Variants in PLEKHG5 observed in about 807,000 individuals in gnomAD.
PLEKHG5 encodes pleckstrin homology domain-containing family G member 5.
Under a neutral mutation model 103.8 loss-of-function variants are expected in PLEKHG5, and 52 were observed. The observed-to-expected ratio is 0.50, with a 90% CI of 0.40 to 0.63. PLEKHG5 has a LOEUF of 0.63. Ranked by LOEUF, PLEKHG5 falls within the 30% of genes least tolerant of loss-of-function variation. The probability of loss-of-function intolerance (pLI) is 0.00; values close to 1 mark genes in which losing one functional copy is unlikely to be tolerated. For synonymous variants in PLEKHG5, 592 were observed against 575.5 expected, an observed-to-expected ratio of 1.03 and a Z score of -0.41; for missense variants, 1,205 against 1,347.6, an observed-to-expected ratio of 0.89 and a Z score of 1.66.
chr1:6,507,495 C>T (rs965554173), intron 1 of PLEKHG5, among the ~76,000 whole-genome samples: 2 of 152,236 alleles, frequency 1.3e-5, no homozygotes, highest in Admixed American at 1.3e-4. Flanking sequence ...CCTGTGCCCC[C>T]CCAGCCTGCC....
intron 1 of PLEKHG5, among the ~76,000 whole-genome samples, chr1:6,516,868 A>G (rs191913161): frequency 0.8 from 106,795 of 134,308 alleles, 43,134 homozygotes; most frequent in Non-Finnish European, 0.88. Flanking sequence ...ATATATGTGT[A>G]TATATATATA....
intron 1 of PLEKHG5, among the ~76,000 whole-genome samples, chr1:6,514,960 A>T (rs979374986): frequency 6.6e-6 from 1 of 152,148 alleles, no homozygotes; most frequent in Non-Finnish European, 1.5e-5. Flanking sequence ...AGGCTGAGAC[A>T]GGGGAACTGC....
upstream of PLEKHG5, among the ~76,000 whole-genome samples, chr1:6,493,977 G>C (rs922399756): frequency 1.4e-5 from 2 of 147,490 alleles, no homozygotes; most frequent in South Asian, 4.4e-4. Context: ...TTTGAGACAG[G>C]GTCTTGCTCT....
chr1:6,519,691 G>C, exon 1 of PLEKHG5: 1 of 650,108 alleles, frequency 1.5e-6, no homozygotes, highest in South Asian at 1.7e-5. Context: ...TGTCTGCACA[G>C]AAAACCAAGG....
intron 1 of PLEKHG5, among the ~76,000 whole-genome samples, chr1:6,479,282 CTTTTT>C (rs59798457): frequency 3.1e-5 from 4 of 130,908 alleles, no homozygotes; most frequent in Non-Finnish European, 3.2e-5. Context: ...TCTGTTTATC[CTTTTT>C]TTTTTTTTTT....
chr1:6,503,058 G>A (rs1214722643), intron 1 of PLEKHG5, among the ~76,000 whole-genome samples: 1 of 152,192 alleles, frequency 6.6e-6, no homozygotes, highest in Non-Finnish European at 1.5e-5. Flanking sequence ...CAGGATAAAG[G>A]GGATTCCAAG....
intron 1 of PLEKHG5, among the ~76,000 whole-genome samples, chr1:6,517,980 T>C (rs368886143): frequency 1.3e-5 from 2 of 152,086 alleles, no homozygotes; most frequent in African/African-American, 4.8e-5. Context: ...TCGCCCAGGC[T>C]GGAGTGCAGT....
chr1:6,503,535 G>T lies in PLEKHG5; in HGVS notation c.-164-6966C>A, dbSNP rs547649217. Among the ~76,000 whole-genome samples, 3 of 151,574 alleles carry T rather than the reference G, an allele frequency of 2.0e-5. No homozygotes were observed. In the South Asian group the frequency reaches 6.3e-4, roughly 32 times the overall value. On this transcript the variant is annotated intron_variant, in intron 1 of 21. Coordinates refer to the PLEKHG5 transcript ENST00000377740. ...TGATTCTCCTGCCTCAGCCTCCCAAGTAGCTGGGATTACAGGTGCCTGCCA... is the reference window on the plus strand; with the variant it reads ...TGATTCTCCTGCCTCAGCCTCCCAATTAGCTGGGATTACAGGTGCCTGCCA...
At chr1:6,472,960 G>A in intron 9 of PLEKHG5, 26 bp downstream of exon 9, 1 of 1,608,568 alleles carries the variant, frequency 6.2e-7, no homozygotes, top group Non-Finnish European at 8.5e-7. Flanking sequence ...GGACAAGGAG[G>A]GAGCAGCACT....
Position 6,471,529 on chromosome 1 carries a change from C to A in PLEKHG5, c.1240G>T (p.Ala414Ser). 6.2e-7 allele frequency: 1 copy of A among 1,609,924 alleles called. No individual in the cohort carries two copies. Among genetic ancestry groups the A allele is most frequent in the African/African-American group, 1.3e-5 (1 of 74,996 alleles). The stretch of plus-strand genomic sequence containing the variant: ...AGGAAGTCCCCGGGCTGTAGCAGCG[C>A]TCGCGTGCGCCGCGCCTTCTCCAGC... ...PVLEKARRTR[A>S]LLQPGDFLKG... Residue 414 changes from alanine (A) to serine (S), a missense_variant, in exon 12 of 21, where the codon GCG (alanine) becomes TCG (serine). Ala to Ser is a moderately conservative substitution (Grantham distance 99). Coordinates refer to ENST00000377728, the MANE Select transcript of PLEKHG5 (RefSeq NM_020631.6).
intron 1 of PLEKHG5, among the ~76,000 whole-genome samples, chr1:6,508,846 G>A (rs939082142): frequency 6.6e-6 from 1 of 152,244 alleles, no homozygotes; most frequent in African/African-American, 2.4e-5. Context: ...AGATGGAGAA[G>A]CTGAGGCCAT....
In PLEKHG5 at chr1:6,469,526, G is replaced by A. The variant is rs369940156; in HGVS notation, c.1933+18C>T. ...CATCACAGCCCCTGACCAGGAACAG[G>A]GGACCAGGGCTCCTTACCAGGGTCC... On this transcript the variant is annotated intron_variant, in intron 17 of 20. Transcript: ENST00000377728. 2.7e-5 allele frequency: 44 copies of A among 1,613,728 alleles called. No homozygotes were observed. The highest frequency in any genetic ancestry group is 3.1e-5 in the Non-Finnish European group (37 of 1,180,052).
chr1:6,468,322 C>T lies in PLEKHG5; in HGVS notation c.2514G>A (p.Glu838=). The change falls in exon 20 of 21, where the codon GAG becomes GAA. Residue 838 remains glutamate (E), a synonymous_variant. Transcript: ENST00000377728. ...GGGACTCTGGGGCCCGAGGCACTAG[C>T]TCTGCCATTGGGCCTGGGGCCACAA... ...QDFVAPGPMA[E]LVPRAPESPR... 1 of 1,609,736 alleles carries T rather than the reference C, an allele frequency of 6.2e-7. No individual in the cohort carries two copies. Among genetic ancestry groups the T allele is most frequent in the African/African-American group, 1.3e-5 (1 of 75,032 alleles).
At chr1:6,513,616 C>T (rs1367142266) in intron 1 of PLEKHG5, among the ~76,000 whole-genome samples, 2 of 152,220 alleles carry the variant, frequency 1.3e-5, no homozygotes, top group East Asian at 3.8e-4. Context: ...AACTGAGAGA[C>T]TGGGGCCCTC....
upstream of PLEKHG5, among the ~76,000 whole-genome samples, chr1:6,495,147 C>T (rs1228659673): frequency 6.6e-6 from 1 of 152,258 alleles, no homozygotes; most frequent in Non-Finnish European, 1.5e-5. Flanking sequence ...CCGCAGGCCT[C>T]TGGCAGGATG....
intron 1 of PLEKHG5, 141 bp from the exon 2 acceptor site, chr1:6,477,799 C>G (rs991440608): frequency 5.2e-6 from 4 of 765,290 alleles, no homozygotes; most frequent in East Asian, 2.7e-5. Flanking sequence ...GCAGTCCCCC[C>G]TCTCCCACAT....
chr1:6,504,572 CTTT>C lies in PLEKHG5; in HGVS notation c.-164-8006_-164-8004del, dbSNP rs200327321. On this transcript the variant is annotated intron_variant, in intron 1 of 21. Coordinates refer to the PLEKHG5 transcript ENST00000377740. ...GCACTTCCCTTCTCTCTTTTTTTTT[CTTT>C]TTTTTTTTTTTTGAGATGGAGTCTC... is the stretch of plus-strand genomic sequence containing the variant. Among the ~76,000 whole-genome samples the C allele has an allele frequency of 7.0e-4, 95 of 136,468 alleles. 1 individual carries two copies. The highest frequency in any genetic ancestry group is 1.2e-3 in the African/African-American group (44 of 35,618). The allele number at this position is 136,468 out of a possible 152,430, so 89.5% of individuals were successfully genotyped here.
chr1:6,507,640 GT>G (rs1638361726), intron 1 of PLEKHG5, among the ~76,000 whole-genome samples: 1 of 152,202 alleles, frequency 6.6e-6, no homozygotes, highest in South Asian at 2.1e-4. Flanking sequence ...GGATGGAGGG[GT>G]CACCCCAGGG....
At position 6,473,239 on chromosome 1, in the gene PLEKHG5, G is replaced by A. The variant is rs754372537; in HGVS notation, c.795+12C>T. On this transcript the variant is annotated intron_variant, in intron 8 of 20. Coordinates refer to ENST00000377728, the MANE Select transcript of PLEKHG5 (RefSeq NM_020631.6). ...GCCAGCTGCCTGACCCTGGGCAGAT[G>A]GGGCCACATACCCGGCCAAAGGCGC... 9 of 1,612,392 alleles carry A rather than the reference G, an allele frequency of 5.6e-6. No homozygotes were observed. The highest frequency in any genetic ancestry group is 3.3e-5 in the Admixed American group (2 of 59,844).
Sources: allele counts gnomAD v4.1 joint callset (sites outside exome capture counted in the v4.1 genomes callset), GRCh38; gene constraint gnomAD v4.1.1; transcripts MANE v1.5; gene names NCBI Gene and HGNC (gene_info 2026-07-23, HGNC 2026-07-21).